The following LMO7 variants were observed in gnomAD, a reference collection of about 807,000 sequenced individuals.
The protein encoded by LMO7 is LIM domain 7, also known as LIM domain only protein 7.
LMO7 carries 120 observed loss-of-function variants against 206.5 expected under a neutral mutation model. The ratio of observed to expected loss-of-function variants is 0.58; its 90% CI spans 0.50 to 0.68. The LOEUF (loss-of-function observed/expected upper bound fraction) is 0.68. Ranked by LOEUF, LMO7 falls within the 30% of genes least tolerant of loss-of-function variation. The pLI, the probability that LMO7 is intolerant of heterozygous loss-of-function variation, is 0.00. For synonymous variants in LMO7, 706 were observed against 681.5 expected (o/e 1.04, Z -0.56); for missense variants, 1,959 against 1,957.9 (o/e 1.00, Z -0.01).
chr13:75,843,024 G>T (rs2059678709), intron 25 of LMO7, 108 bp downstream of exon 25: 2 of 740,160 alleles, frequency 2.7e-6, no homozygotes, highest in Middle Eastern at 2.6e-4. Flanking sequence ...TGTCATTTGT[G>T]GGGTATAAAG....
chr13:75,712,541 T>C (rs536649446), intron 1 of LMO7, among the ~76,000 whole-genome samples: 77 of 152,310 alleles, frequency 5.1e-4, no homozygotes, highest in African/African-American at 1.8e-3. Context: ...CATGTGCCTG[T>C]TCCTTTGTAA....
intron 1 of LMO7, among the ~76,000 whole-genome samples, chr13:75,674,423 T>C (rs2039843341): frequency 6.6e-6 from 1 of 152,242 alleles, no homozygotes; most frequent in Non-Finnish European, 1.5e-5. Context: ...GAAAATACCA[T>C]GTTAAAAAAA....
intron 1 of LMO7, among the ~76,000 whole-genome samples, chr13:75,650,565 A>G (rs903719111): frequency 6.6e-6 from 1 of 152,118 alleles, no homozygotes; most frequent in Non-Finnish European, 1.5e-5. Flanking sequence ...GAAATGTTTT[A>G]TATTGAAGGA....
rs1429322988 is a variant in LMO7, at chr13:75,685,101, C to T, written c.70-28081C>T. Among the ~76,000 whole-genome samples, 5 of 152,144 alleles carry T rather than the reference C, an allele frequency of 3.3e-5. No individual in the cohort carries two copies. The South Asian group carries it at 6.2e-4, about 19-fold the overall frequency. ...GGAAATAATGTTTTCCATAACTTTCCAGTTGTTTATCATCTAGGTGATTTT... is the reference window on the plus strand; with the variant it reads ...GGAAATAATGTTTTCCATAACTTTCTAGTTGTTTATCATCTAGGTGATTTT... On this transcript the variant is annotated intron_variant, in intron 1 of 30. Coordinates refer to ENST00000377534, the MANE Select transcript of LMO7 (RefSeq NM_001306080.2).
At position 75,727,006 on chromosome 13, in the gene LMO7, ATCTGTTATTTATTTACTTTCAG is replaced by A; in HGVS notation, c.141-21_141del. 7.5e-7 allele frequency: 1 copy of A among 1,331,192 alleles called. No individual in the cohort carries two copies. The highest frequency in any genetic ancestry group is 1.1e-6 in the Non-Finnish European group (1 of 925,828). The allele number at this position is 1,331,192 out of a possible 1,614,324, so 82.5% of individuals were successfully genotyped here. On this transcript the variant is annotated splice_acceptor_variant and splice_polypyrimidine_tract_variant and intron_variant, in intron 2 of 30. Transcript: ENST00000377534. LOFTEE classifies it high-confidence loss of function. ...CCTGATATTGGCATCTTGTAATTGC[ATCTGTTATTTATTTACTTTCAG>A]TTTGATTAATAAGCTTAAACCTGGC...
chr13:75,736,320 T>C (rs2045816335), intron 3 of LMO7, among the ~76,000 whole-genome samples: 1 of 152,224 alleles, frequency 6.6e-6, no homozygotes, highest in African/African-American at 2.4e-5. Context: ...TGGTTTAAAG[T>C]TGTCATCATG....
At chr13:75,819,247 C>A in intron 12 of LMO7, 146 bp from the exon 13 acceptor site, 1 of 849,176 alleles carries the variant, frequency 1.2e-6, no homozygotes, top group Non-Finnish European at 1.7e-6. Flanking sequence ...GAAACGCTGG[C>A]TATAAAAAGC....
chr13:75,780,200 C>G (rs1055998884), intron 4 of LMO7, among the ~76,000 whole-genome samples: 3 of 152,126 alleles, frequency 2.0e-5, no homozygotes, highest in Non-Finnish European at 4.4e-5. Context: ...AAACAGGGTT[C>G]AAGAGCAGAG....
intron 2 of LMO7, among the ~76,000 whole-genome samples, chr13:75,720,675 T>G (rs1423992627): frequency 2.6e-5 from 4 of 152,218 alleles, no homozygotes; most frequent in Non-Finnish European, 5.9e-5. Context: ...TCAGGATGCT[T>G]CAAGCACAAC....
At chr13:75,668,346 A>G (rs2039258320) in intron 1 of LMO7, among the ~76,000 whole-genome samples, 1 of 152,216 alleles carries the variant, frequency 6.6e-6, no homozygotes, top group Admixed American at 6.5e-5. Context: ...TGCTTGGAGT[A>G]AGCCTGCACC....
intron 2 of LMO7, chr13:75,627,200 T>C (rs1253595803): frequency 6.6e-6 from 1 of 152,136 alleles, no homozygotes; most frequent in Non-Finnish European, 1.5e-5. Flanking sequence ...AAAACCGTAC[T>C]TAAGAGTATC....
intron 3 of LMO7, among the ~76,000 whole-genome samples, chr13:75,735,235 T>G (rs1171893257): frequency 1.3e-5 from 2 of 151,916 alleles, no homozygotes; most frequent in Non-Finnish European, 2.9e-5. Flanking sequence ...ATGCTGTGAC[T>G]CTACTTGTCC....
intron 3 of LMO7, among the ~76,000 whole-genome samples, chr13:75,732,119 C>T (rs532332960): frequency 4.5e-4 from 68 of 152,150 alleles, no homozygotes; most frequent in African/African-American, 1.5e-3. Context: ...TTGCTCTTCT[C>T]GAGGAGTATC....
At chr13:75,650,987 A>T (rs1371956166) in intron 1 of LMO7, among the ~76,000 whole-genome samples, 1 of 152,230 alleles carries the variant, frequency 6.6e-6, no homozygotes, top group African/African-American at 2.4e-5. Flanking sequence ...TTCCATGAAG[A>T]AAAGAAATGC....
chr13:75,803,638 A>T (rs1486978228), intron 7 of LMO7, among the ~76,000 whole-genome samples: 4 of 152,360 alleles, frequency 2.6e-5, no homozygotes, highest in Non-Finnish European at 5.9e-5. Context: ...ATTTTGAATC[A>T]TAATACAGCG....
intron 3 of LMO7, among the ~76,000 whole-genome samples, chr13:75,747,847 G>C (rs1774338893): frequency 6.6e-6 from 1 of 152,200 alleles, no homozygotes; most frequent in East Asian, 1.9e-4. Context: ...CATGATCCAG[G>C]TGGGCTCTGT....
Position 75,823,567 on chromosome 13 carries a change from G to A in LMO7, c.2643G>A (p.Met881Ile). ...GISSLPRSYTMDDAWKYNGDV... is the reference protein window; with the variant it reads ...GISSLPRSYTIDDAWKYNGDV... ...TAAAATGATGTTTTCTTATTTAGAT[G>A]GATGATGCTTGGAAGTATAATGGAG... The change falls in exon 15 of 31, where the codon ATG (methionine) becomes ATA (isoleucine). Residue 881 changes from methionine to isoleucine, a missense_variant and splice_region_variant. Transcript: ENST00000377534. The A allele has an allele frequency of 6.3e-7, 1 of 1,594,272 alleles. No individual in the cohort carries two copies.
chr13:75,781,096 C>CTTTTTTTTTTTTTTTTTTTTTTTTCTTT (rs367937964), intron 4 of LMO7, among the ~76,000 whole-genome samples: 11 of 41,910 alleles, frequency 2.6e-4, no homozygotes, highest in South Asian at 9.0e-4. Context: ...CTCTATTTTC[C>CTTTTTTTTTTTTTTTTTTTTTTTTCTTT]TTTTTTTTTT....
intron 10 of LMO7, among the ~76,000 whole-genome samples, chr13:75,808,583 G>T (rs557851382): frequency 3.3e-5 from 5 of 152,052 alleles, no homozygotes; most frequent in Admixed American, 1.3e-4. Context: ...GATTTTTTTG[G>T]GGGGGTGAAA....
Sources: gnomAD v4.1 joint callset for allele counts (sites outside exome capture counted in the v4.1 genomes callset) on GRCh38, gnomAD v4.1.1 for gene constraint, MANE v1.5 for transcripts, NCBI Gene and HGNC (gene_info 2026-07-23, HGNC 2026-07-21) for gene names.